The following DLGAP2 variants were observed in gnomAD, a reference collection of about 807,000 sequenced individuals.
DLGAP2 encodes the protein DLG associated protein 2, also known as disks large-associated protein 2.
In DLGAP2, 26 loss-of-function variants were observed where a neutral mutation model predicts 100.3. The ratio of observed to expected loss-of-function variants is 0.26; its 90% CI spans 0.19 to 0.36. The LOEUF (loss-of-function observed/expected upper bound fraction) is 0.36. Ranked by LOEUF, DLGAP2 falls within the 10% of genes least tolerant of loss-of-function variation. The pLI is 1.00. For synonymous variants in DLGAP2, 886 were observed against 630.1 expected, an observed-to-expected ratio of 1.41 and a Z score of -6.08; for missense variants, 1,858 against 1,453.2, an observed-to-expected ratio of 1.28 and a Z score of -4.53.
In DLGAP2 at chr8:1,613,609, C is replaced by G. The variant is rs145295598; in HGVS notation, c.1443-13131C>G. The stretch of plus-strand genomic sequence containing the variant: ...AAATTTATGCACTGCGCACCCAGCT[C>G]CATGAGGACAAGGGCGATGCCTTCA... On this transcript the variant is annotated intron_variant, in intron 6 of 14. Coordinates refer to ENST00000637795, the MANE Select transcript of DLGAP2 (RefSeq NM_001346810.2). Among the ~76,000 whole-genome samples, 82 of 151,896 alleles carry G rather than the reference C, an allele frequency of 5.4e-4. 1 individual carries two copies. Among genetic ancestry groups the G allele is most frequent in the African/African-American group, 1.5e-3 (62 of 41,414 alleles).
intron 1 of DLGAP2, among the ~76,000 whole-genome samples, chr8:853,447 G>C (rs919770067): frequency 1.3e-5 from 2 of 152,220 alleles, no homozygotes; most frequent in Admixed American, 1.3e-4. Context: ...CAGGTGTGTG[G>C]TATAAACATC....
chr8:1,054,237 C>A (rs945702761), intron 2 of DLGAP2, among the ~76,000 whole-genome samples: 1 of 151,930 alleles, frequency 6.6e-6, no homozygotes, highest in South Asian at 2.1e-4. Context: ...CATGTATGCA[C>A]ATGTACACAC....
At chr8:844,948 C>T (rs1472318591) in intron 1 of DLGAP2, among the ~76,000 whole-genome samples, 1 of 152,230 alleles carries the variant, frequency 6.6e-6, no homozygotes. Context: ...ACTTCTGTGA[C>T]TGACTTCTTT....
intron 1 of DLGAP2, among the ~76,000 whole-genome samples, chr8:765,041 T>A (rs1275240350): frequency 6.6e-6 from 1 of 152,198 alleles, no homozygotes; most frequent in Non-Finnish European, 1.5e-5. Flanking sequence ...AAAGTTTGAA[T>A]TGGCATTTAG....
At chr8:1,122,615 C>T (rs1375347186) in intron 2 of DLGAP2, among the ~76,000 whole-genome samples, 2 of 146,388 alleles carry the variant, frequency 1.4e-5, no homozygotes, top group Non-Finnish European at 3.0e-5. Flanking sequence ...GTAGGTCTCT[C>T]AAAAATACAT....
rs1309528930 is a variant in DLGAP2, at chr8:1,649,100, A to G, written c.1810+16054A>G. Among the ~76,000 whole-genome samples the G allele has an allele frequency of 2.6e-5, 4 of 152,244 alleles. 1 individual carries two copies. Among genetic ancestry groups the G allele is most frequent in the Non-Finnish European group, 5.9e-5 (4 of 68,048 alleles). On this transcript the variant is annotated intron_variant, in intron 8 of 14. Transcript: ENST00000637795. ...TTTAACTTTATTCTCCAGAAAAGTA[A>G]AAATTATCCAGGTGTATACATTGAA...
chr8:1,308,877 C>G (rs1339612090), intron 3 of DLGAP2, among the ~76,000 whole-genome samples: 1 of 152,002 alleles, frequency 6.6e-6, no homozygotes, highest in African/African-American at 2.4e-5. Context: ...CTAAAGAACA[C>G]TGGGAAACAA....
At chr8:1,298,370 C>T (rs1019576513) in intron 3 of DLGAP2, among the ~76,000 whole-genome samples, 1 of 152,196 alleles carries the variant, frequency 6.6e-6, no homozygotes, top group African/African-American at 2.4e-5. Flanking sequence ...CATGATGGCC[C>T]CGCACCTGGC....
At chr8:1,126,752 A>G (rs897418048) in intron 2 of DLGAP2, among the ~76,000 whole-genome samples, 1 of 152,060 alleles carries the variant, frequency 6.6e-6, no homozygotes, top group South Asian at 2.1e-4. Flanking sequence ...TCTGGAAGGA[A>G]AGATGTGCAG....
chr8:1,311,913 A>G (rs1028103201), intron 3 of DLGAP2, among the ~76,000 whole-genome samples: 8 of 152,236 alleles, frequency 5.3e-5, no homozygotes, highest in Non-Finnish European at 1.0e-4. Flanking sequence ...AAAGACTGAT[A>G]CAACTGCCAG....
chr8:837,161 G>A (rs890156770), intron 1 of DLGAP2, among the ~76,000 whole-genome samples: 16 of 152,180 alleles, frequency 1.1e-4, no homozygotes, highest in Admixed American at 2.0e-4. Flanking sequence ...TCCTCCTGGC[G>A]GGGATCCCGG....
intron 1 of DLGAP2, among the ~76,000 whole-genome samples, chr8:905,353 T>C (rs1237124613): frequency 6.6e-6 from 1 of 152,038 alleles, no homozygotes; most frequent in Non-Finnish European, 1.5e-5. Context: ...CTTGGCTCCA[T>C]GAGAATGGAC....
intron 6 of DLGAP2, among the ~76,000 whole-genome samples, chr8:1,572,576 G>A (rs1183077695): frequency 3.0e-5 from 4 of 134,282 alleles, no homozygotes; most frequent in Middle Eastern, 5.0e-3. Flanking sequence ...AGGGTGAACT[G>A]TGGGGGCGTC....
intron 2 of DLGAP2, among the ~76,000 whole-genome samples, chr8:1,074,306 C>A (rs372231462): frequency 7.7e-6 from 1 of 130,388 alleles, no homozygotes; most frequent in Non-Finnish European, 1.7e-5. Flanking sequence ...GATTCACTGT[C>A]ACAGAAGGGT....
intron 3 of DLGAP2, among the ~76,000 whole-genome samples, chr8:1,437,121 G>A (rs554696589): frequency 2.0e-5 from 3 of 150,998 alleles, no homozygotes; most frequent in African/African-American, 7.3e-5. Flanking sequence ...TTCAGCCCAG[G>A]CGCGTAAGGG....
rs1176884919 is a variant in DLGAP2 at position 1,678,562 on chromosome 8, A to G, written c.2637A>G (p.Thr879=). The G allele has an allele frequency of 1.3e-6, 2 of 1,587,684 alleles. No individual in the cohort carries two copies. Among genetic ancestry groups the G allele is most frequent in the Non-Finnish European group, 1.7e-6 (2 of 1,167,382 alleles). ...TTTTGAAGCTGCTGCACGCAGAGACAAAGAGGATGGAAGGCTGGTGCAAAG... is the reference window on the plus strand; with the variant it reads ...TTTTGAAGCTGCTGCACGCAGAGACGAAGAGGATGGAAGGCTGGTGCAAAG... ...SWFLKLLHAE[T]KRMEGWCKEM... is the part of the protein sequence containing the mutation. Residue 879 remains threonine, a synonymous_variant, in exon 12 of 15, where the codon ACA becomes ACG. Transcript: ENST00000637795.
At chr8:1,655,745 T>A (rs540132873) in intron 8 of DLGAP2, among the ~76,000 whole-genome samples, 2 of 152,330 alleles carry the variant, frequency 1.3e-5, no homozygotes, top group South Asian at 2.1e-4. Context: ...CTCCACGAGG[T>A]TGGCTAACCC....
rs564476014 is a variant in DLGAP2, at chr8:1,414,691, C to G, written c.107-86675C>G. On this transcript the variant is annotated intron_variant, in intron 3 of 14. Coordinates refer to ENST00000637795, the MANE Select transcript of DLGAP2 (RefSeq NM_001346810.2). ...CTGCCCTCAGCGTGTCTTGCCTTTA[C>G]AAGCATGGAACCTCCTGTTAAATAA... 9.5e-3 allele frequency among the ~76,000 whole-genome samples: 1,442 copies of G among 152,116 alleles called. 21 individuals carry two copies. Among genetic ancestry groups the G allele is most frequent in the African/African-American group, 0.033 (1,368 of 41,490 alleles).
At chr8:948,672 G>T (rs960391834) in intron 2 of DLGAP2, among the ~76,000 whole-genome samples, 1 of 152,244 alleles carries the variant, frequency 6.6e-6, no homozygotes, top group Non-Finnish European at 1.5e-5. Context: ...GAAATGCCGC[G>T]GCGCTGCCCG....
Sources: gnomAD v4.1 joint callset for allele counts (sites outside exome capture counted in the v4.1 genomes callset) on GRCh38, gnomAD v4.1.1 for gene constraint, MANE v1.5 for transcripts, NCBI Gene and HGNC (gene_info 2026-07-23, HGNC 2026-07-21) for gene names.